Variants in SGCZ observed in about 807,000 individuals in gnomAD.
The protein encoded by SGCZ is zeta-sarcoglycan.
A neutral mutation model predicts 41.3 loss-of-function variants in SGCZ; 40 were observed. The ratio of observed to expected loss-of-function variants is 0.97; its 90% CI spans 0.75 to 1.26. The LOEUF is 1.26. SGCZ is among the 50% of genes most tolerant of loss of function. SGCZ has a pLI of 0.00. For missense variants in SGCZ, 552 were observed against 369.8 expected (o/e 1.49, Z -4.04); for synonymous variants, 206 against 137.5 (o/e 1.50, Z -3.49).
At chr8:15,220,260 A>C (rs1359193267) in intron 1 of SGCZ, among the ~76,000 whole-genome samples, 1 of 152,214 alleles carries the variant, frequency 6.6e-6, no homozygotes, top group East Asian at 1.9e-4. Context: ...TCTTTGGACA[A>C]ACTGACGTTT....
At chr8:14,546,750 T>C (rs991145486) in intron 2 of SGCZ, among the ~76,000 whole-genome samples, 1 of 152,124 alleles carries the variant, frequency 6.6e-6, no homozygotes, top group African/African-American at 2.4e-5. Context: ...AAGCACGGAG[T>C]TATACCATGT....
At chr8:14,856,447 A>G (rs147893242) in intron 1 of SGCZ, among the ~76,000 whole-genome samples, 10 of 152,282 alleles carry the variant, frequency 6.6e-5, no homozygotes, top group African/African-American at 1.9e-4. Context: ...TATTCAAACT[A>G]TTGCAAATTT....
At chr8:14,396,605 C>A (rs1424937877) in intron 2 of SGCZ, among the ~76,000 whole-genome samples, 1 of 151,934 alleles carries the variant, frequency 6.6e-6, no homozygotes, top group Non-Finnish European at 1.5e-5. Context: ...ATAGACAAGG[C>A]CACCCATTCT....
At chr8:14,454,121 C>G (rs549636703) in intron 2 of SGCZ, among the ~76,000 whole-genome samples, 1 of 152,320 alleles carries the variant, frequency 6.6e-6, no homozygotes, top group African/African-American at 2.4e-5. Context: ...TCCTTAAACT[C>G]TGGATGGCCT....
intron 1 of SGCZ, among the ~76,000 whole-genome samples, chr8:15,194,212 C>G (rs936304368): frequency 2.6e-5 from 4 of 151,730 alleles, no homozygotes; most frequent in African/African-American, 9.7e-5. Context: ...CACACACACA[C>G]ACACACACAC....
At chr8:14,208,302 T>C (rs529468119) in intron 4 of SGCZ, among the ~76,000 whole-genome samples, 1 of 152,330 alleles carries the variant, frequency 6.6e-6, no homozygotes. Context: ...GTTTATCAGT[T>C]AGTTGAAACA....
At chr8:14,476,717 G>A (rs1015401981) in intron 2 of SGCZ, among the ~76,000 whole-genome samples, 3 of 152,128 alleles carry the variant, frequency 2.0e-5, no homozygotes, top group Non-Finnish European at 2.9e-5. Flanking sequence ...TGGTGAGATA[G>A]CTATTAAGAT....
chr8:14,922,947 C>A (rs1799635356), intron 1 of SGCZ, among the ~76,000 whole-genome samples: 1 of 152,174 alleles, frequency 6.6e-6, no homozygotes, highest in Non-Finnish European at 1.5e-5. Context: ...ATAAAGTTTT[C>A]TCATCAGTTC....
chr8:14,470,382 G>C (rs1293247119), intron 2 of SGCZ, among the ~76,000 whole-genome samples: 6 of 152,010 alleles, frequency 3.9e-5, no homozygotes, highest in Non-Finnish European at 7.4e-5. Flanking sequence ...AGAATTAAGA[G>C]ATATAATTTA....
intron 1 of SGCZ, among the ~76,000 whole-genome samples, chr8:14,659,634 G>T (rs1807685607): frequency 2.0e-5 from 3 of 152,080 alleles, no homozygotes; most frequent in African/African-American, 7.2e-5. Context: ...ATTTTAAACG[G>T]TGGTCTTGGA....
chr8:14,796,562 A>T (rs1295042407), intron 1 of SGCZ, among the ~76,000 whole-genome samples: 1 of 152,104 alleles, frequency 6.6e-6, no homozygotes, highest in Non-Finnish European at 1.5e-5. Flanking sequence ...GTGTCTTATG[A>T]CTCAATGAAG....
In SGCZ at chr8:14,811,704, G is replaced by A. The variant is rs548053231; in HGVS notation, c.40-256778C>T. 5.9e-5 allele frequency among the ~76,000 whole-genome samples: 9 copies of A among 151,718 alleles called. No individual in the cohort carries two copies. The South Asian group carries it at 1.7e-3, about 28-fold the overall frequency. On this transcript the variant is annotated intron_variant, in intron 1 of 7. Transcript: ENST00000382080. ...TCCTCTCCCCAAAAGCACAGGTTCT[G>A]ACTATTAGACGCACTGCCGTGATCA... is the stretch of plus-strand genomic sequence containing the variant.
chr8:14,502,547 G>A (rs11787319), intron 2 of SGCZ, among the ~76,000 whole-genome samples: 1 of 151,542 alleles, frequency 6.6e-6, no homozygotes, highest in African/African-American at 2.4e-5. Context: ...AAATTTTTGC[G>A]ATCTATCCAT....
intron 2 of SGCZ, among the ~76,000 whole-genome samples, chr8:14,450,323 G>T (rs543594140): frequency 4.2e-5 from 4 of 96,294 alleles, no homozygotes; most frequent in Admixed American, 1.2e-4. Context: ...CAAGTATTGC[G>T]GTATGCATAT....
chr8:14,397,875 T>C (rs11996725), intron 2 of SGCZ, among the ~76,000 whole-genome samples: 25,789 of 152,060 alleles, frequency 0.17, 5,183 homozygotes, highest in African/African-American at 0.48. Flanking sequence ...GACACTTAAG[T>C]TTCCTTCTTT....
chr8:14,793,947 C>G (rs916132661), intron 1 of SGCZ, among the ~76,000 whole-genome samples: 10 of 152,250 alleles, frequency 6.6e-5, no homozygotes, highest in Non-Finnish European at 1.5e-4. Flanking sequence ...CACTTGGCTT[C>G]TAGTACTATA....
chr8:14,871,870 A>G (rs1363802171), intron 1 of SGCZ, among the ~76,000 whole-genome samples: 1 of 149,350 alleles, frequency 6.7e-6, no homozygotes, highest in East Asian at 1.9e-4. Context: ...ATGTATATAT[A>G]TGTATGTATA....
chr8:14,869,810 C>T (rs1327536895), intron 1 of SGCZ, among the ~76,000 whole-genome samples: 1 of 152,042 alleles, frequency 6.6e-6, no homozygotes, highest in Non-Finnish European at 1.5e-5. Context: ...AAACAGAGAG[C>T]TAAATCATGA....
intron 3 of SGCZ, among the ~76,000 whole-genome samples, chr8:14,287,517 A>T (rs1449721454): frequency 6.6e-6 from 1 of 152,046 alleles, no homozygotes; most frequent in Non-Finnish European, 1.5e-5. Context: ...TAACTCAGCA[A>T]ACCTATTTCA....
Sources: allele counts gnomAD v4.1 joint callset (sites outside exome capture counted in the v4.1 genomes callset), GRCh38; gene constraint gnomAD v4.1.1; transcripts MANE v1.5; gene names NCBI Gene and HGNC (gene_info 2026-07-23, HGNC 2026-07-21).